The following ITGAE variants were observed in gnomAD, a reference collection of about 807,000 sequenced individuals.
ITGAE encodes integrin subunit alpha E.
In ITGAE, 99 loss-of-function variants were observed where a neutral mutation model predicts 136.5. That is an observed-to-expected ratio of 0.73 (90% CI 0.62 to 0.86). The LOEUF (loss-of-function observed/expected upper bound fraction) is 0.86. Ranked by LOEUF, ITGAE falls within the 40% of genes least tolerant of loss-of-function variation. The probability of loss-of-function intolerance (pLI) is 0.00; values close to 1 mark genes in which losing one functional copy is unlikely to be tolerated. For missense variants in ITGAE, 1,447 were observed against 1,515.3 expected (o/e 0.95, Z 0.75); for synonymous variants, 613 against 591.8 (o/e 1.04, Z -0.52).
intron 26 of ITGAE, chr17:3,724,114 C>G: frequency 5.6e-6 from 9 of 1,594,820 alleles, no homozygotes; most frequent in Non-Finnish European, 6.8e-6. Flanking sequence ...CCCTCGCAGT[C>G]CGACGATCCT....
At chr17:3,774,113 C>T (rs948740266) in intron 2 of ITGAE, among the ~76,000 whole-genome samples, 3 of 152,122 alleles carry the variant, frequency 2.0e-5, no homozygotes, top group Admixed American at 6.6e-5. Context: ...GCCCACCCAT[C>T]CTATTCAAGC....
chr17:3,753,879 G>A lies in ITGAE; in HGVS notation c.1431C>T (p.Ile477=), dbSNP rs936268427. ...VLHKTCSLSY[I]AGAPRYKHHG... is the part of the protein sequence containing the mutation. ...GATGTTTGTACCGTGGAGCCCCCGC[G>A]ATGTAGGAGAGGCTGCAGGTCTTGT... is the stretch of plus-strand genomic sequence containing the variant. The change falls in exon 13 of 31, where the codon ATC becomes ATT. Residue 477 remains isoleucine, a synonymous_variant. Transcript: ENST00000263087. 1.9e-6 allele frequency: 3 copies of A among 1,613,996 alleles called. No individual in the cohort carries two copies. Among genetic ancestry groups the A allele is most frequent in the African/African-American group, 1.3e-5 (1 of 74,920 alleles).
Position 3,750,432 on chromosome 17 carries a change from G to A in ITGAE, c.1944C>T (p.Ser648=). 2 of 1,614,230 alleles carry A rather than the reference G, an allele frequency of 1.2e-6. No homozygotes were observed. Among genetic ancestry groups the A allele is most frequent in the East Asian group, 2.2e-5 (1 of 44,888 alleles). ...VAPGLQYFGM[S]MAGGFDISGD... ...CACTAATATCAAAGCCACCAGCCATGGACATGCCGAAGTACTGGAGTCCTG... is the reference window on the plus strand; with the variant it reads ...CACTAATATCAAAGCCACCAGCCATAGACATGCCGAAGTACTGGAGTCCTG... The change falls in exon 16 of 31, where the codon TCC becomes TCT. Residue 648 remains serine, a synonymous_variant. Coordinates refer to ENST00000263087, the MANE Select transcript of ITGAE (RefSeq NM_002208.5).
chr17:3,759,969 C>T (rs1443293242), intron 7 of ITGAE, among the ~76,000 whole-genome samples: 1 of 152,188 alleles, frequency 6.6e-6, no homozygotes, highest in Non-Finnish European at 1.5e-5. Context: ...GTGAGGTCAT[C>T]TTAGGCCATC....
At chr17:3,771,503 C>G (rs1159804791) in intron 2 of ITGAE, among the ~76,000 whole-genome samples, 1 of 150,384 alleles carries the variant, frequency 6.6e-6, no homozygotes, top group Admixed American at 6.6e-5. Context: ...ATGTTCACTG[C>G]GCTGCATGCT....
chr17:3,797,247 G>C (rs1346391961), intron 1 of ITGAE, among the ~76,000 whole-genome samples: 13 of 140,902 alleles, frequency 9.2e-5, no homozygotes, highest in Non-Finnish European at 1.8e-4. Flanking sequence ...CTCACTGCAA[G>C]CTCCGCCTCC....
At position 3,723,517 on chromosome 17, in the gene ITGAE, C is replaced by G; in HGVS notation, c.3142-134G>C. ...AGCAATTTCAGCGCTCACCTCGGCCCAAGCGAAGCTCCAGCGGGAGCAATT... is the reference window on the plus strand; with the variant it reads ...AGCAATTTCAGCGCTCACCTCGGCCGAAGCGAAGCTCCAGCGGGAGCAATT... On this transcript the variant is annotated intron_variant, in intron 27 of 30. Transcript: ENST00000263087. The G allele has an allele frequency of 3.0e-6, 3 of 996,866 alleles. No individual in the cohort carries two copies. The South Asian group carries it at 4.2e-5, about 14-fold the overall frequency. 61.8% of individuals were successfully genotyped at this position (996,866 alleles called of 1,614,324 possible). A position where few individuals can be genotyped will look rare whatever the true frequency, so the allele number is the denominator to read the frequency against.
Position 3,761,540 on chromosome 17 carries a change from G to A in ITGAE, c.316-20C>T, listed in dbSNP as rs1250795313. ...GCATATCTGTGGGAGGGAAGAGAGG[G>A]TGGGGAAACACCAGGTCACCTCCCG... On this transcript the variant is annotated intron_variant, in intron 4 of 30. Coordinates refer to ENST00000263087, the MANE Select transcript of ITGAE (RefSeq NM_002208.5). The A allele has an allele frequency of 6.3e-7, 1 of 1,596,260 alleles. No individual in the cohort carries two copies.
intron 30 of ITGAE, 31 bp downstream of exon 30, chr17:3,716,657 C>T (rs1467611310): frequency 7.9e-7 from 1 of 1,273,620 alleles, no homozygotes; most frequent in Non-Finnish European, 1.1e-6. Flanking sequence ...GCCCAGTCTT[C>T]CCTCACTGTG....
At chr17:3,736,786 G>A (rs1222772179) in intron 20 of ITGAE, among the ~76,000 whole-genome samples, 3 of 152,050 alleles carry the variant, frequency 2.0e-5, no homozygotes, top group Non-Finnish European at 4.4e-5. Context: ...GCAGATCTAG[G>A]AAGTATGGCC....
At chr17:3,779,780 T>C (rs2052621891) in intron 1 of ITGAE, among the ~76,000 whole-genome samples, 2 of 152,240 alleles carry the variant, frequency 1.3e-5, no homozygotes, top group African/African-American at 2.4e-5. Flanking sequence ...TCAACTTTTC[T>C]ATATATTTGA....
intron 26 of ITGAE, among the ~76,000 whole-genome samples, chr17:3,726,882 T>A (rs946754295): frequency 6.6e-6 from 1 of 151,810 alleles, no homozygotes; most frequent in East Asian, 1.9e-4. Context: ...TACACCACCA[T>A]GCCCGGCTAA....
At position 3,777,593 on chromosome 17, in the gene ITGAE, G is replaced by C. The variant is rs533432062; in HGVS notation, c.102C>G (p.Ala34=). The part of the protein sequence containing the change: ...ARPWLTPKGG[A]PFVLSSLLHQ... ...GCAGAAGGGAGCTGAGCACGAAAGG[G>C]GCACCTCCCTTGGGCGTGAGCCAGG... The change falls in exon 2 of 31, where the codon GCC becomes GCG. Residue 34 remains alanine (A), a synonymous_variant. Coordinates refer to ENST00000263087, the MANE Select transcript of ITGAE (RefSeq NM_002208.5). 1 of 1,613,814 alleles carries C rather than the reference G, an allele frequency of 6.2e-7. No individual in the cohort carries two copies. The highest frequency in any genetic ancestry group is 1.7e-5 in the Admixed American group (1 of 59,994).
intron 3 of ITGAE, among the ~76,000 whole-genome samples, chr17:3,763,362 T>G (rs958286095): frequency 6.6e-6 from 1 of 152,080 alleles, no homozygotes; most frequent in African/African-American, 2.4e-5. Context: ...GAGTACCTAA[T>G]ATATGTCAGG....
chr17:3,723,844 C>T, intron 26 of ITGAE, 100 bp from the exon 27 acceptor site: 3 of 1,538,502 alleles, frequency 1.9e-6, no homozygotes, highest in Non-Finnish European at 2.6e-6. Context: ...ATGCGCAGGG[C>T]CGGGAGCTAG....
chr17:3,723,927 G>T, intron 26 of ITGAE, 183 bp from the exon 27 acceptor site: 1 of 1,544,762 alleles, frequency 6.5e-7, no homozygotes, highest in South Asian at 1.2e-5. Flanking sequence ...CTCTTGGCGG[G>T]TGCCGGCCAT....
At chr17:3,746,097 C>T (rs962706514) in intron 17 of ITGAE, among the ~76,000 whole-genome samples, 170 bp from the exon 18 acceptor site, 2 of 152,158 alleles carry the variant, frequency 1.3e-5, no homozygotes, top group African/African-American at 4.8e-5. Flanking sequence ...TTTTTCTCAC[C>T]GTCTTCTGAC....
intron 16 of ITGAE, among the ~76,000 whole-genome samples, chr17:3,749,338 T>C (rs2143018429): frequency 6.6e-6 from 1 of 151,922 alleles, no homozygotes; most frequent in Admixed American, 6.6e-5. Flanking sequence ...CACTGCAAGC[T>C]CCGCCTCCCG....
At position 3,796,190 on chromosome 17, in the gene ITGAE, T is replaced by TGTGTGTGTGTGTGTGTGTGTGTGG. The variant is rs71155808; in HGVS notation, c.34+4920_34+4921insCCACACACACACACACACACACAC. 1.2e-4 allele frequency among the ~76,000 whole-genome samples: 18 copies of TGTGTGTGTGTGTGTGTGTGTGTGG among 151,230 alleles called. No individual in the cohort carries two copies. In the South Asian group the frequency reaches 1.3e-3, roughly 11 times the overall value. ...GCATCCGTGTGTGTGTGTGTGTGTG[T>TGTGTGTGTGTGTGTGTGTGTGTGG]GTGGTGGGGTAGTTCGCTGTATTTG... On this transcript the variant is annotated intron_variant, in intron 1 of 30. Transcript: ENST00000263087.
Sources: allele counts gnomAD v4.1 joint callset (sites outside exome capture counted in the v4.1 genomes callset), GRCh38; gene constraint gnomAD v4.1.1; transcripts MANE v1.5; gene names NCBI Gene and HGNC (gene_info 2026-07-23, HGNC 2026-07-21).